PDE4D: variants seen among roughly 807,000 people sequenced by gnomAD.
PDE4D encodes 3',5'-cyclic-AMP phosphodiesterase 4D.
In PDE4D, 24 loss-of-function variants were observed where a neutral mutation model predicts 87.4. The ratio of observed to expected loss-of-function variants is 0.27; its 90% CI spans 0.20 to 0.39. The LOEUF (loss-of-function observed/expected upper bound fraction) is 0.39, where lower values mean the gene tolerates loss of function less well. Among genes scored for constraint, PDE4D ranks in the 10% least tolerant of loss-of-function variants. The probability of loss-of-function intolerance (pLI) is 1.00; values close to 1 mark genes in which losing one functional copy is unlikely to be tolerated. For synonymous variants in PDE4D, 384 were observed against 383.2 expected (o/e 1.00, Z -0.02); for missense variants, 714 against 1,041.0 (o/e 0.69, Z 4.32).
chr5:60,509,288 C>G (rs1302302745), intron 1 of PDE4D, among the ~76,000 whole-genome samples: 1 of 152,158 alleles, frequency 6.6e-6, no homozygotes, highest in Non-Finnish European at 1.5e-5. Context: ...GGAAAGGACC[C>G]TCGCTTACAG....
chr5:59,429,429 C>G (rs1039101169), intron 1 of PDE4D, among the ~76,000 whole-genome samples: 1 of 151,614 alleles, frequency 6.6e-6, no homozygotes, highest in South Asian at 2.1e-4. Flanking sequence ...ACTTAAACAT[C>G]CCTTCATGTT....
At chr5:60,095,871 T>A (rs1208036794) in intron 2 of PDE4D, among the ~76,000 whole-genome samples, 1 of 152,210 alleles carries the variant, frequency 6.6e-6, no homozygotes, top group African/African-American at 2.4e-5. Flanking sequence ...TATATATTTT[T>A]TGGCCACATA....
At chr5:59,949,800 T>G (rs1048072218) in intron 3 of PDE4D, among the ~76,000 whole-genome samples, 1 of 152,184 alleles carries the variant, frequency 6.6e-6, no homozygotes, top group African/African-American at 2.4e-5. Flanking sequence ...TAGGGAGATT[T>G]TTATGTTATC....
intron 1 of PDE4D, among the ~76,000 whole-genome samples, chr5:59,289,915 A>T (rs76245165): frequency 6.6e-6 from 1 of 152,078 alleles, no homozygotes; most frequent in Non-Finnish European, 1.5e-5. Flanking sequence ...TGGAGAAAGT[A>T]ATCCCATTTG....
At chr5:60,209,054 C>CTGCCTGGA (rs1742871566) in intron 1 of PDE4D, among the ~76,000 whole-genome samples, 1 of 152,148 alleles carries the variant, frequency 6.6e-6, no homozygotes, top group African/African-American at 2.4e-5. Context: ...TAAAGCCAGG[C>CTGCCTGGA]TGCCTGGACT....
intron 5 of PDE4D, among the ~76,000 whole-genome samples, chr5:59,121,984 A>G (rs1196294279): frequency 6.6e-6 from 1 of 152,104 alleles, no homozygotes; most frequent in East Asian, 1.9e-4. Flanking sequence ...TCTTCTTAAA[A>G]TACAAAAATT....
chr5:60,031,196 G>T (rs529150604), intron 2 of PDE4D, among the ~76,000 whole-genome samples: 2 of 152,268 alleles, frequency 1.3e-5, no homozygotes, highest in East Asian at 1.9e-4. Context: ...GAGTAGTGAG[G>T]ATTAACCACC....
At chr5:59,085,153 G>A (rs975926282) in intron 5 of PDE4D, among the ~76,000 whole-genome samples, 1 of 152,060 alleles carries the variant, frequency 6.6e-6, no homozygotes, top group Non-Finnish European at 1.5e-5. Flanking sequence ...AATCTGGGGA[G>A]AGCTTCAAAT....
At chr5:60,071,258 T>C (rs35014288) in intron 2 of PDE4D, among the ~76,000 whole-genome samples, 51,224 of 151,754 alleles carry the variant, frequency 0.34, 9,300 homozygotes, top group East Asian at 0.79. Flanking sequence ...GTTATTGTTC[T>C]ACTTCCTTGA....
At chr5:59,362,756 TG>T (rs1782425677) in intron 1 of PDE4D, among the ~76,000 whole-genome samples, 1 of 152,198 alleles carries the variant, frequency 6.6e-6, no homozygotes, top group Non-Finnish European at 1.5e-5. Flanking sequence ...TTTAGAATTA[TG>T]CTTACAAATA....
At chr5:60,086,922 G>C (rs1056076502) in intron 2 of PDE4D, among the ~76,000 whole-genome samples, 3 of 152,168 alleles carry the variant, frequency 2.0e-5, no homozygotes, top group African/African-American at 7.2e-5. Context: ...GTGCTGCAAG[G>C]GGGGGCACCA....
intron 2 of PDE4D, among the ~76,000 whole-genome samples, chr5:60,139,225 T>A (rs554112992): frequency 6.6e-6 from 1 of 152,234 alleles, no homozygotes; most frequent in South Asian, 2.1e-4. Flanking sequence ...ATAGACTAAT[T>A]CATTCACAAT....
chr5:59,250,584 G>A (rs1759746791), intron 1 of PDE4D, among the ~76,000 whole-genome samples: 1 of 151,686 alleles, frequency 6.6e-6, no homozygotes, highest in Admixed American at 6.6e-5. Context: ...TATATGACAA[G>A]AATTTTAAAT....
intron 1 of PDE4D, among the ~76,000 whole-genome samples, chr5:59,339,173 C>T (rs182406273): frequency 2.0e-5 from 3 of 152,332 alleles, no homozygotes; most frequent in Admixed American, 6.5e-5. Flanking sequence ...TTGGATCACA[C>T]ACTATGAATA....
At chr5:59,738,897 C>A (rs947478229) in intron 1 of PDE4D, among the ~76,000 whole-genome samples, 5 of 151,528 alleles carry the variant, frequency 3.3e-5, no homozygotes. Context: ...ATCTAAATAT[C>A]ATCTTTCAAT....
At chr5:59,779,828 TTAA>T (rs1288141690) in intron 1 of PDE4D, among the ~76,000 whole-genome samples, 3 of 152,254 alleles carry the variant, frequency 2.0e-5, no homozygotes, top group African/African-American at 7.2e-5. Context: ...AGTATTTTTT[TTAA>T]TAATAGATAC....
chr5:60,404,654 C>T (rs1394534715), intron 1 of PDE4D, among the ~76,000 whole-genome samples: 1 of 151,954 alleles, frequency 6.6e-6, no homozygotes. Flanking sequence ...CCACATGTAC[C>T]CTGTGGTCAG....
chr5:59,583,756 T>C (rs1824618759), intron 1 of PDE4D, among the ~76,000 whole-genome samples: 1 of 152,210 alleles, frequency 6.6e-6, no homozygotes, highest in South Asian at 2.1e-4. Context: ...AGGAACTCTG[T>C]GCACAGGCTT....
At chr5:59,577,351 G>T (rs895280192) in intron 1 of PDE4D, among the ~76,000 whole-genome samples, 1 of 152,128 alleles carries the variant, frequency 6.6e-6, no homozygotes, top group African/African-American at 2.4e-5. Context: ...TATTCCATAG[G>T]AGAGGCCAAA....
Sources: gnomAD v4.1 joint callset for allele counts (sites outside exome capture counted in the v4.1 genomes callset) on GRCh38, gnomAD v4.1.1 for gene constraint, MANE v1.5 for transcripts, NCBI Gene and HGNC (gene_info 2026-07-23, HGNC 2026-07-21) for gene names.